The following WDR41 variants were observed in gnomAD, a reference collection of about 807,000 sequenced individuals.
The protein encoded by WDR41 is WD repeat domain 41.
Under a neutral mutation model 69.3 loss-of-function variants are expected in WDR41, and 63 were observed. That is an observed-to-expected ratio of 0.91 (90% CI 0.74 to 1.12). The LOEUF (loss-of-function observed/expected upper bound fraction) is 1.12, where lower values mean the gene tolerates loss of function less well. WDR41 is among the 50% of genes most tolerant of loss of function. WDR41 has a pLI of 0.00. For synonymous variants in WDR41, 185 were observed against 192.1 expected (o/e 0.96, Z 0.31); for missense variants, 543 against 534.5 (o/e 1.02, Z -0.16).
chr5:77,505,093 T>C (rs909636642), intron 1 of WDR41, among the ~76,000 whole-genome samples: 1 of 152,212 alleles, frequency 6.6e-6, no homozygotes, highest in Non-Finnish European at 1.5e-5. Context: ...TTGTCCCTGT[T>C]TGCAGATGAC....
Position 77,492,248 on chromosome 5 carries a change from C to G in WDR41, c.-28G>C, listed in dbSNP as rs1460308817. 1 of 1,611,472 alleles carries G rather than the reference C, an allele frequency of 6.2e-7. No homozygotes were observed. Among genetic ancestry groups the G allele is most frequent in the African/African-American group, 1.3e-5 (1 of 74,804 alleles). On this transcript the variant is annotated 5_prime_UTR_variant, in exon 1 of 13. Transcript: ENST00000296679. ...GGGCAGCGGCGGCGTCTTGCCCGGT[C>G]CAGCCCCAGTCAGCCCAAACTCCGC...
chr5:77,544,494 C>A (rs1743152394), intron 1 of WDR41, among the ~76,000 whole-genome samples: 1 of 151,902 alleles, frequency 6.6e-6, no homozygotes, highest in Non-Finnish European at 1.5e-5. Context: ...AGCAAAGGGA[C>A]AATGAAAGCA....
At chr5:77,547,365 G>C (rs1009651318) in intron 1 of WDR41, among the ~76,000 whole-genome samples, 1 of 152,016 alleles carries the variant, frequency 6.6e-6, no homozygotes, top group African/African-American at 2.4e-5. Flanking sequence ...CATTTATCTA[G>C]AAAACCCTAA....
At chr5:77,589,249 A>G (rs916546228) in intron 1 of WDR41, among the ~76,000 whole-genome samples, 4 of 152,164 alleles carry the variant, frequency 2.6e-5, no homozygotes, top group African/African-American at 9.7e-5. Flanking sequence ...TATCTATATC[A>G]TGCCCGTCTT....
chr5:77,540,739 G>A (rs1287387059), intron 1 of WDR41, among the ~76,000 whole-genome samples: 1 of 136,272 alleles, frequency 7.3e-6, no homozygotes, highest in African/African-American at 2.7e-5. Context: ...GGGAGGGAGG[G>A]AGGGAGGGAG....
chr5:77,462,965 AAC>A, intron 4 of WDR41, 128 bp downstream of exon 4: 3 of 977,332 alleles, frequency 3.1e-6, no homozygotes, highest in Non-Finnish European at 4.3e-6. Flanking sequence ...TCTTATAAGT[AAC>A]AGAACAAAAA....
chr5:77,439,855 T>C (rs1392027583), intron 9 of WDR41, among the ~76,000 whole-genome samples: 1 of 152,210 alleles, frequency 6.6e-6, no homozygotes, highest in Non-Finnish European at 1.5e-5. Context: ...ATAGATAATT[T>C]GTAGGGCTAC....
At chr5:77,523,368 T>G (rs1802401065) in intron 1 of WDR41, among the ~76,000 whole-genome samples, 1 of 152,298 alleles carries the variant, frequency 6.6e-6, no homozygotes, top group Admixed American at 6.5e-5. Context: ...CTTAATAATT[T>G]TTATATTTAC....
intron 4 of WDR41, among the ~76,000 whole-genome samples, chr5:77,460,205 C>T (rs1799990527): frequency 6.6e-6 from 1 of 152,188 alleles, no homozygotes; most frequent in African/African-American, 2.4e-5. Flanking sequence ...CTACTTAATG[C>T]ACCTCCCTTT....
chr5:77,440,672 TAGAAAA>T, intron 9 of WDR41, 135 bp downstream of exon 9: 1 of 748,812 alleles, frequency 1.3e-6, no homozygotes, highest in Non-Finnish European at 2.1e-6. Context: ...CATCCAATTT[TAGAAAA>T]AGACCATTTT....
rs78616358 is a variant in WDR41 at position 77,440,717 on chromosome 5, C to T, written c.882+96G>A. 2,824 of 1,196,860 alleles carry T rather than the reference C, an allele frequency of 2.4e-3. 39 individuals carry two copies. The African/African-American group carries it at 0.037, about 16-fold the overall frequency. The allele number at this position is 1,196,860 out of a possible 1,614,324, so 74.1% of individuals were successfully genotyped here. ...GCACAACCTGAAACCATGAATGATA[C>T]CTTTTTTATGTCCAACATGGGATTA... On this transcript the variant is annotated intron_variant, in intron 9 of 12. Transcript: ENST00000296679.
At chr5:77,476,134 A>G (rs1800914656) in intron 2 of WDR41, among the ~76,000 whole-genome samples, 1 of 152,158 alleles carries the variant, frequency 6.6e-6, no homozygotes, top group African/African-American at 2.4e-5. Flanking sequence ...AAAAGAATAA[A>G]AAGAAATGAC....
At chr5:77,501,128 A>T (rs1802012416) in intron 1 of WDR41, among the ~76,000 whole-genome samples, 1 of 152,256 alleles carries the variant, frequency 6.6e-6, no homozygotes, top group Non-Finnish European at 1.5e-5. Context: ...TAGCCAAGGG[A>T]AGCCGTGACA....
intron 2 of WDR41, among the ~76,000 whole-genome samples, chr5:77,487,020 T>G (rs538490506): frequency 1.1e-4 from 17 of 152,222 alleles, no homozygotes; most frequent in Non-Finnish European, 1.9e-4. Context: ...ATGTCAGCAT[T>G]TGTACACTAA....
rs148293270 is a variant in WDR41, at chr5:77,597,603, C to A, written c.42+22876G>T. 5.0e-3 allele frequency among the ~76,000 whole-genome samples: 763 copies of A among 152,262 alleles called. 11 individuals are homozygous for A. The highest frequency in any genetic ancestry group is 0.017 in the African/African-American group (709 of 41,548). On this transcript the variant is annotated intron_variant, in intron 1 of 5. Transcript: ENST00000509971. The stretch of plus-strand genomic sequence containing the variant: ...TCTCATGATCACCCAATATCATATA[C>A]CTCTTTACGTATTTTGTCTGTACTA...
intron 1 of WDR41, among the ~76,000 whole-genome samples, chr5:77,550,308 C>T (rs1437705447): frequency 6.6e-6 from 1 of 152,154 alleles, no homozygotes; most frequent in Non-Finnish European, 1.5e-5. Flanking sequence ...TAATAGACAA[C>T]TTACAAAATG....
intron 1 of WDR41, among the ~76,000 whole-genome samples, chr5:77,597,709 G>T (rs1448078048): frequency 6.6e-6 from 1 of 152,014 alleles, no homozygotes; most frequent in Non-Finnish European, 1.5e-5. Context: ...CTCATATATA[G>T]GCACTAAACA....
At chr5:77,589,673 T>C (rs1483626049) in intron 1 of WDR41, among the ~76,000 whole-genome samples, 2 of 152,186 alleles carry the variant, frequency 1.3e-5, no homozygotes, top group Non-Finnish European at 2.9e-5. Flanking sequence ...ATAAACATGA[T>C]TGATTTTTGT....
At chr5:77,544,799 C>G (rs1743157296) in intron 1 of WDR41, among the ~76,000 whole-genome samples, 1 of 152,048 alleles carries the variant, frequency 6.6e-6, no homozygotes, top group Admixed American at 6.5e-5. Flanking sequence ...TGGATTTAAA[C>G]TATACCTTGG....
Sources: allele counts gnomAD v4.1 joint callset (sites outside exome capture counted in the v4.1 genomes callset), GRCh38; gene constraint gnomAD v4.1.1; transcripts MANE v1.5; gene names NCBI Gene and HGNC (gene_info 2026-07-23, HGNC 2026-07-21).